Variants in CTNNA1 observed in about 807,000 individuals in gnomAD.
CTNNA1 encodes the protein catenin alpha 1.
Under a neutral mutation model 98.4 loss-of-function variants are expected in CTNNA1, and 37 were observed. That is an observed-to-expected ratio of 0.38 (90% CI 0.29 to 0.49). The LOEUF is 0.49. Among genes scored for constraint, CTNNA1 ranks in the 20% least tolerant of loss-of-function variants. The pLI, the probability that CTNNA1 is intolerant of heterozygous loss-of-function variation, is 0.95. For synonymous variants in CTNNA1, 404 were observed against 413.2 expected (o/e 0.98, Z 0.27); for missense variants, 761 against 1,147.2 (o/e 0.66, Z 4.86).
chr5:138,798,434 C>T (rs938807874), intron 3 of CTNNA1, among the ~76,000 whole-genome samples: 2 of 152,214 alleles, frequency 1.3e-5, no homozygotes, highest in Non-Finnish European at 2.9e-5. Flanking sequence ...TACTTCATAG[C>T]ATTCTTTGTT....
At chr5:138,851,938 C>T (rs933136759) in intron 7 of CTNNA1, among the ~76,000 whole-genome samples, 11 of 151,812 alleles carry the variant, frequency 7.2e-5, no homozygotes, top group South Asian at 2.1e-4. Context: ...GGCATGATGG[C>T]GCGTGCCTGT....
chr5:138,834,250 A>AT (rs1214417420), intron 7 of CTNNA1, among the ~76,000 whole-genome samples: 1 of 152,018 alleles, frequency 6.6e-6, no homozygotes, highest in African/African-American at 2.4e-5. Context: ...GAGTAGCTTA[A>AT]TTTTTTCCTG....
intron 10 of CTNNA1, among the ~76,000 whole-genome samples, chr5:138,906,937 T>G (rs891889439): frequency 7.2e-5 from 11 of 152,244 alleles, no homozygotes; most frequent in African/African-American, 2.4e-4. Context: ...CATCATGTGC[T>G]TGATTTTCAG....
chr5:138,812,132 A>T, intron 4 of CTNNA1, 51 bp from the exon 5 acceptor site: 1 of 1,555,956 alleles, frequency 6.4e-7, no homozygotes, highest in Non-Finnish European at 8.7e-7. Flanking sequence ...CATCTTCTTT[A>T]CAGACCTACA....
intron 11 of CTNNA1, among the ~76,000 whole-genome samples, chr5:138,923,307 A>T (rs1308104729): frequency 6.6e-6 from 1 of 152,154 alleles, no homozygotes; most frequent in South Asian, 2.1e-4. Flanking sequence ...TATTCTTGTA[A>T]TTGGTTTAAA....
At chr5:138,907,762 T>C (rs1759589029) in intron 10 of CTNNA1, among the ~76,000 whole-genome samples, 1 of 152,224 alleles carries the variant, frequency 6.6e-6, no homozygotes, top group African/African-American at 2.4e-5. Flanking sequence ...ATAGTAAGGC[T>C]ACTGTTGACC....
chr5:138,813,779 C>T lies in CTNNA1; in HGVS notation c.588+1477C>T, dbSNP rs116436060. On this transcript the variant is annotated intron_variant, in intron 5 of 17. Coordinates refer to ENST00000302763, the MANE Select transcript of CTNNA1 (RefSeq NM_001903.5). ...GACTATAGGCACAGGACACCACACC[C>T]GGCTAATTTTTGTACTTTTTGTAGA... Among the ~76,000 whole-genome samples the T allele has an allele frequency of 8.6e-3, 1,302 of 152,146 alleles. 19 individuals are homozygous for T. The highest frequency in any genetic ancestry group is 0.03 in the African/African-American group (1,241 of 41,486).
chr5:138,932,355 C>T (rs1280805200), intron 16 of CTNNA1: 13 of 1,382,604 alleles, frequency 9.4e-6, no homozygotes, highest in South Asian at 1.7e-5. Flanking sequence ...TGCCATGCGG[C>T]GCAGTCAGGG....
chr5:138,782,983 T>G (rs1311059430), intron 2 of CTNNA1, among the ~76,000 whole-genome samples, 194 bp from the exon 3 acceptor site: 1 of 152,228 alleles, frequency 6.6e-6, no homozygotes, highest in African/African-American at 2.4e-5. Context: ...TCTGTACACA[T>G]TAAGAAAGCT....
intron 3 of CTNNA1, among the ~76,000 whole-genome samples, chr5:138,791,915 A>C (rs1253473618): frequency 6.6e-6 from 1 of 150,972 alleles, no homozygotes; most frequent in Non-Finnish European, 1.5e-5. Context: ...GGTTTGTTAC[A>C]TATGTATACG....
At chr5:138,777,205 C>T (rs1754401312) in intron 1 of CTNNA1, among the ~76,000 whole-genome samples, 1 of 151,584 alleles carries the variant, frequency 6.6e-6, no homozygotes, top group South Asian at 2.1e-4. Context: ...AGAGGCGCTC[C>T]TCACATCCCA....
intron 10 of CTNNA1, among the ~76,000 whole-genome samples, chr5:138,912,428 G>A (rs2150195460): frequency 6.6e-6 from 1 of 152,250 alleles, no homozygotes; most frequent in Non-Finnish European, 1.5e-5. Context: ...CAGAATGATG[G>A]AAACAAAACG....
intron 1 of CTNNA1, among the ~76,000 whole-genome samples, chr5:138,770,450 C>G (rs1753414476): frequency 6.6e-6 from 1 of 152,206 alleles, no homozygotes; most frequent in Non-Finnish European, 1.5e-5. Flanking sequence ...AGCAAACTGT[C>G]ACTTCACCCC....
At chr5:138,754,690 A>G (rs1751427184) in intron 1 of CTNNA1, 2 of 152,226 alleles carry the variant, frequency 1.3e-5, no homozygotes, top group African/African-American at 4.8e-5. Context: ...ATTTTGTTTT[A>G]CAGGAAGAAT....
At chr5:138,756,269 T>C (rs1751637876) in intron 1 of CTNNA1, among the ~76,000 whole-genome samples, 1 of 152,030 alleles carries the variant, frequency 6.6e-6, no homozygotes, top group African/African-American at 2.4e-5. Context: ...ACTCCTGACC[T>C]CGTGATCCAC....
rs377278929 is a variant in CTNNA1 at position 138,929,203 on chromosome 5, G to C, written c.1900-43G>C. On this transcript the variant is annotated intron_variant, in intron 13 of 17. Coordinates refer to ENST00000302763, the MANE Select transcript of CTNNA1 (RefSeq NM_001903.5). Reference sequence around the variant, plus strand: ...GGCTCAGGGTGGCTGGGGGCTGGTGGCCCAGAGATGTGTCTGACCTGTGAT... The same window carrying C: ...GGCTCAGGGTGGCTGGGGGCTGGTGCCCCAGAGATGTGTCTGACCTGTGAT... The C allele has an allele frequency of 7.5e-5, 81 of 1,078,174 alleles. 1 individual carries two copies. In the Middle Eastern group the frequency reaches 7.9e-4, roughly 11 times the overall value. The allele number at this position is 1,078,174 out of a possible 1,614,324, so 66.8% of individuals were successfully genotyped here. A position where few individuals can be genotyped will look rare whatever the true frequency, so the allele number is the denominator to read the frequency against.
chr5:138,842,849 A>G (rs1437777943), intron 7 of CTNNA1, among the ~76,000 whole-genome samples: 2 of 152,178 alleles, frequency 1.3e-5, no homozygotes, highest in Non-Finnish European at 2.9e-5. Flanking sequence ...ACCTGACACC[A>G]TTGGCCACCT....
intron 7 of CTNNA1, chr5:138,869,372 CTCTTT>C (rs1167907753): frequency 7.0e-6 from 1 of 141,930 alleles, no homozygotes; most frequent in Non-Finnish European, 1.6e-5. Flanking sequence ...CTGTCTCTCT[CTCTTT>C]TTTTTTTTTT....
At chr5:138,831,809 G>T (rs1761301266) in intron 7 of CTNNA1, among the ~76,000 whole-genome samples, 1 of 152,308 alleles carries the variant, frequency 6.6e-6, no homozygotes, top group East Asian at 1.9e-4. Context: ...TCATGGTCTA[G>T]TATAATGCTG....
Sources: gnomAD v4.1 joint callset for allele counts (sites outside exome capture counted in the v4.1 genomes callset) on GRCh38, gnomAD v4.1.1 for gene constraint, MANE v1.5 for transcripts, NCBI Gene and HGNC (gene_info 2026-07-23, HGNC 2026-07-21) for gene names.